The following NR5A2 variants were observed in gnomAD, a reference collection of about 807,000 sequenced individuals.
The protein encoded by NR5A2 is CYP7A promoter-binding factor.
A neutral mutation model predicts 62.7 loss-of-function variants in NR5A2; 26 were observed. That is an observed-to-expected ratio of 0.41 (90% CI 0.30 to 0.58). NR5A2 has a LOEUF of 0.58. NR5A2 is among the 20% of genes least tolerant of loss of function. NR5A2 has a pLI of 0.22. For synonymous variants in NR5A2, 246 were observed against 241.7 expected (o/e 1.02, Z -0.16); for missense variants, 541 against 669.1 (o/e 0.81, Z 2.11).
intron 7 of NR5A2, among the ~76,000 whole-genome samples, chr1:200,168,326 C>T (rs993012602): frequency 2.6e-5 from 4 of 151,668 alleles, no homozygotes; most frequent in Admixed American, 6.6e-5. Context: ...GCTCCTACTT[C>T]AGCCTCTCAA....
chr1:200,034,771 G>A (rs1661694451), intron 1 of NR5A2, among the ~76,000 whole-genome samples: 1 of 136,716 alleles, frequency 7.3e-6, no homozygotes, highest in African/African-American at 2.8e-5. Flanking sequence ...ATTCACACGT[G>A]CAGCAGAAAG....
chr1:200,166,302 G>C (rs1653897194), intron 7 of NR5A2, among the ~76,000 whole-genome samples: 2 of 152,100 alleles, frequency 1.3e-5, no homozygotes, highest in African/African-American at 4.8e-5. Context: ...AGGGGTTGGG[G>C]TGGGGCTTGT....
At chr1:200,055,571 C>A (rs1207711045) in intron 5 of NR5A2, among the ~76,000 whole-genome samples, 1 of 152,146 alleles carries the variant, frequency 6.6e-6, no homozygotes, top group South Asian at 2.1e-4. Context: ...TGCCATATGG[C>A]TGTTCTTTGC....
chr1:200,126,957 A>G (rs1296873791), intron 7 of NR5A2, among the ~76,000 whole-genome samples: 4 of 152,234 alleles, frequency 2.6e-5, no homozygotes, highest in African/African-American at 9.6e-5. Flanking sequence ...GTCAAACACC[A>G]AAATGAGCCA....
intron 5 of NR5A2, among the ~76,000 whole-genome samples, chr1:200,061,529 C>A (rs935631329): frequency 6.6e-6 from 1 of 152,162 alleles, no homozygotes; most frequent in African/African-American, 2.4e-5. Flanking sequence ...CCGCCCACCT[C>A]CGCCTCCCAA....
chr1:200,041,800 A>G (rs2821365), intron 2 of NR5A2, among the ~76,000 whole-genome samples: 51,613 of 151,980 alleles, frequency 0.34, 12,355 homozygotes, highest in African/African-American at 0.68. Flanking sequence ...TTTTCAAGAG[A>G]GTCTCTACCT....
chr1:200,125,089 GT>G (rs997308845), intron 7 of NR5A2, among the ~76,000 whole-genome samples: 1 of 152,084 alleles, frequency 6.6e-6, no homozygotes, highest in Non-Finnish European at 1.5e-5. Flanking sequence ...AATTATTTCT[GT>G]TATCAGTTTG....
rs188421770 is a variant in NR5A2, at chr1:200,085,828, G to T, written c.1111-25374G>T. On this transcript the variant is annotated intron_variant, in intron 5 of 7. Transcript: ENST00000367362. ...TTTCCAAAACAAAAATTACATTTCA[G>T]AAACTCAGTAGATAAGAAACATCTG... Among the ~76,000 whole-genome samples the T allele has an allele frequency of 3.1e-3, 466 of 152,248 alleles. 3 individuals carry two copies. Among genetic ancestry groups the T allele is most frequent in the African/African-American group, 0.011 (437 of 41,546 alleles).
intron 5 of NR5A2, among the ~76,000 whole-genome samples, chr1:200,086,656 G>T (rs2102244262): frequency 6.6e-6 from 1 of 152,310 alleles, no homozygotes; most frequent in African/African-American, 2.4e-5. Flanking sequence ...ACTACGATAT[G>T]TTGAGTGCAG....
chr1:200,107,637 A>G (rs776219724), intron 5 of NR5A2, among the ~76,000 whole-genome samples: 7 of 152,194 alleles, frequency 4.6e-5, no homozygotes, highest in Non-Finnish European at 8.8e-5. Context: ...AGGAAAAGTC[A>G]GACTGTTTTT....
chr1:200,111,824 AAGAT>A (rs1002534943), intron 6 of NR5A2, among the ~76,000 whole-genome samples: 5 of 151,772 alleles, frequency 3.3e-5, no homozygotes, highest in African/African-American at 4.9e-5. Context: ...ATTCAAATGA[AAGAT>A]AGAGAGAATA....
intron 5 of NR5A2, among the ~76,000 whole-genome samples, chr1:200,086,306 T>G (rs1169017786): frequency 6.7e-6 from 1 of 149,904 alleles, no homozygotes; most frequent in Non-Finnish European, 1.5e-5. Context: ...TCCGGAAACT[T>G]TTTTTTTTTA....
intron 6 of NR5A2, among the ~76,000 whole-genome samples, chr1:200,120,448 T>C (rs1204658472): frequency 6.6e-6 from 1 of 152,240 alleles, no homozygotes; most frequent in African/African-American, 2.4e-5. Flanking sequence ...CAAAACCTCT[T>C]TCCTACAAAG....
chr1:200,034,201 G>T (rs1284979406), intron 1 of NR5A2, among the ~76,000 whole-genome samples: 1 of 152,158 alleles, frequency 6.6e-6, no homozygotes, highest in African/African-American at 2.4e-5. Flanking sequence ...GGTGCTTTGT[G>T]GCCTACTAGC....
At chr1:200,157,494 T>C (rs1168333459) in intron 7 of NR5A2, among the ~76,000 whole-genome samples, 1 of 152,192 alleles carries the variant, frequency 6.6e-6, no homozygotes, top group Non-Finnish European at 1.5e-5. Context: ...GCAAAATCTG[T>C]CATTACACTG....
rs138331518 is a variant in NR5A2 at position 200,110,542 on chromosome 1, C to A, written c.1111-660C>A. Among the ~76,000 whole-genome samples, 66 of 152,242 alleles carry A rather than the reference C, an allele frequency of 4.3e-4. No individual in the cohort carries two copies. The East Asian group carries it at 0.012, about 28-fold the overall frequency. On this transcript the variant is annotated intron_variant, in intron 5 of 7. Coordinates refer to ENST00000367362, the MANE Select transcript of NR5A2 (RefSeq NM_205860.3). The stretch of plus-strand genomic sequence containing the variant: ...CTGTTCTTGGGCCCGTTTTTCAGAT[C>A]AGAAAACTGAAGTTTAGAGAGTTTG...
chr1:200,038,020 T>C (rs2102141654), intron 1 of NR5A2, among the ~76,000 whole-genome samples: 1 of 152,368 alleles, frequency 6.6e-6, no homozygotes, highest in South Asian at 2.1e-4. Context: ...GGGTGGACTC[T>C]GATAATTACT....
intron 5 of NR5A2, among the ~76,000 whole-genome samples, chr1:200,106,807 TGAGAACAAGGGAACAAGCCAGGCA>T (rs1665694873): frequency 6.6e-6 from 1 of 152,218 alleles, no homozygotes; most frequent in Admixed American, 6.5e-5. Context: ...GCTCAATTGT[TGAGAACAAGGGAACAAGCCAGGCA>T]TCACATTTAC....
At chr1:200,111,113 A>C (rs917380393) in intron 5 of NR5A2, 89 bp from the exon 6 acceptor site, 50 of 1,464,848 alleles carry the variant, frequency 3.4e-5, no homozygotes, top group Non-Finnish European at 4.0e-5. Context: ...TAGTCCTCTT[A>C]TGTTGAAAAT....
Sources: gnomAD v4.1 joint callset for allele counts (sites outside exome capture counted in the v4.1 genomes callset) on GRCh38, gnomAD v4.1.1 for gene constraint, MANE v1.5 for transcripts, NCBI Gene and HGNC (gene_info 2026-07-23, HGNC 2026-07-21) for gene names.